INSC: variants seen among roughly 807,000 people sequenced by gnomAD.
The protein encoded by INSC is protein inscuteable homolog.
Under a neutral mutation model 58.6 loss-of-function variants are expected in INSC, and 67 were observed. That is an observed-to-expected ratio of 1.14 (90% CI 0.94 to 1.40). INSC has a LOEUF of 1.40. Ranked by LOEUF, INSC falls within the 40% of genes most tolerant of loss-of-function variation. The probability of loss-of-function intolerance (pLI) is 0.00; values close to 1 mark genes in which losing one functional copy is unlikely to be tolerated. For missense variants in INSC, 714 were observed against 692.0 expected (o/e 1.03, Z -0.36); for synonymous variants, 262 against 276.1 (o/e 0.95, Z 0.51).
At chr11:15,183,457 G>A (rs1279466109) in intron 5 of INSC, among the ~76,000 whole-genome samples, 1 of 151,326 alleles carries the variant, frequency 6.6e-6, no homozygotes, top group African/African-American at 2.4e-5. Flanking sequence ...GTGTGTGTGT[G>A]TATGTGTGTT....
At chr11:15,156,440 T>C (rs543145981) in intron 2 of INSC, among the ~76,000 whole-genome samples, 1 of 152,316 alleles carries the variant, frequency 6.6e-6, no homozygotes, top group African/African-American at 2.4e-5. Flanking sequence ...TGGTCTCACA[T>C]TGCCTGGATT....
intron 2 of INSC, among the ~76,000 whole-genome samples, chr11:15,158,864 T>A (rs908398797): frequency 1.0e-5 from 1 of 97,072 alleles, no homozygotes; most frequent in African/African-American, 3.2e-5. Context: ...TTGGTGGTTT[T>A]TTTTTTTTTT....
In INSC at chr11:15,176,062, G is replaced by T. The variant is rs199756406; in HGVS notation, c.378G>T (p.Arg126Ser). ...SMVSEYSAVSRNSLKEMGEIE... is the reference protein window; with the variant it reads ...SMVSEYSAVSSNSLKEMGEIE... ...TCAGCGAGTACAGTGCTGTCAGCAG[G>T]AACTCCTTGAAGGAAATGGGCGAGG... Residue 126 changes from arginine (R) to serine (S), a missense_variant, in exon 3 of 13, where the codon AGG (arginine) becomes AGT (serine). Coordinates refer to ENST00000379556, the MANE Select transcript of INSC (RefSeq NM_001042536.3). 9.8e-5 allele frequency: 151 copies of T among 1,536,546 alleles called. No homozygotes were observed. The African/African-American group carries it at 1.9e-3, about 19-fold the overall frequency.
At chr11:15,169,310 A>G (rs1235927142) in intron 2 of INSC, among the ~76,000 whole-genome samples, 2 of 152,154 alleles carry the variant, frequency 1.3e-5, no homozygotes, top group Admixed American at 6.5e-5. Flanking sequence ...GGGAGTAGCT[A>G]TGTTCCTTTC....
upstream of INSC, among the ~76,000 whole-genome samples, chr11:15,112,204 G>A (rs59568275): frequency 1.3e-4 from 20 of 152,308 alleles, 1 homozygote; most frequent in East Asian, 2.7e-3. Flanking sequence ...TAGGGCCGGC[G>A]CCGGGGATGG....
upstream of INSC, among the ~76,000 whole-genome samples, chr11:15,113,756 T>G (rs1847628417): frequency 6.6e-6 from 1 of 152,014 alleles, no homozygotes; most frequent in African/African-American, 2.4e-5. Flanking sequence ...GGAGGAGAGT[T>G]AATATCAGAG....
chr11:15,143,331 C>T (rs1219853411), intron 1 of INSC, among the ~76,000 whole-genome samples: 1 of 152,254 alleles, frequency 6.6e-6, no homozygotes, highest in African/African-American at 2.4e-5. Context: ...GAGGAAGTGG[C>T]ATTTGTTCTG....
intron 1 of INSC, among the ~76,000 whole-genome samples, chr11:15,142,854 T>G (rs1848404490): frequency 6.6e-6 from 1 of 152,150 alleles, no homozygotes; most frequent in Admixed American, 6.5e-5. Flanking sequence ...CTAGCGTACA[T>G]GTGCACAAAG....
chr11:15,112,591 A>AGTGTGTGTGT (rs375142839), upstream of INSC: 237 of 367,224 alleles, frequency 6.5e-4, 3 homozygotes, highest in Admixed American at 1.1e-3. Flanking sequence ...GGTGGATGTG[A>AGTGTGTGTGT]GTGTGTGTGT....
At chr11:15,230,007 A>AT (rs1421355624) in intron 9 of INSC, among the ~76,000 whole-genome samples, 6 of 26,406 alleles carry the variant, frequency 2.3e-4, no homozygotes, top group African/African-American at 9.9e-4. Flanking sequence ...ATATATATAT[A>AT]TATATAATAT....
At chr11:15,201,019 T>C in intron 7 of INSC, 70 bp downstream of exon 7, 1 of 1,520,148 alleles carries the variant, frequency 6.6e-7, no homozygotes, top group Non-Finnish European at 8.9e-7. Flanking sequence ...GGCCTCATGA[T>C]GGCCATCTGT....
intron 6 of INSC, among the ~76,000 whole-genome samples, chr11:15,200,127 C>T (rs533463251): frequency 1.4e-4 from 21 of 149,074 alleles, no homozygotes; most frequent in African/African-American, 5.2e-4. Context: ...TCAAGAGCTG[C>T]GATGATTGTT....
intron 7 of INSC, among the ~76,000 whole-genome samples, chr11:15,208,452 T>A (rs932505023): frequency 2.0e-5 from 3 of 152,206 alleles, no homozygotes; most frequent in Non-Finnish European, 4.4e-5. Context: ...TTGAGCCTTC[T>A]CAGAGGGACT....
At chr11:15,216,873 G>A (rs994469751) in intron 7 of INSC, among the ~76,000 whole-genome samples, 3 of 152,294 alleles carry the variant, frequency 2.0e-5, no homozygotes, top group Middle Eastern at 3.4e-3. Context: ...CCACCAGGTG[G>A]GGAGGGGAGG....
chr11:15,112,970 G>C (rs187777397), upstream of INSC, among the ~76,000 whole-genome samples: 9 of 152,192 alleles, frequency 5.9e-5, no homozygotes, highest in African/African-American at 1.9e-4. Flanking sequence ...ATTTGTCCAA[G>C]GACTCATCAC....
At chr11:15,152,336 G>A (rs1488190896) in intron 2 of INSC, among the ~76,000 whole-genome samples, 1 of 152,180 alleles carries the variant, frequency 6.6e-6, no homozygotes, top group African/African-American at 2.4e-5. Context: ...GGGCCTTCAT[G>A]TCCCACCTTG....
intron 5 of INSC, among the ~76,000 whole-genome samples, chr11:15,179,503 G>A (rs1016310973): frequency 2.0e-5 from 3 of 152,180 alleles, no homozygotes; most frequent in African/African-American, 7.2e-5. Context: ...TGAGTGTTTG[G>A]TTGGTTTGGT....
At chr11:15,116,209 A>G (rs937046518) in intron 1 of INSC, among the ~76,000 whole-genome samples, 1 of 152,144 alleles carries the variant, frequency 6.6e-6, no homozygotes, top group Non-Finnish European at 1.5e-5. Context: ...TCAGGCTGGG[A>G]TCTGACATGG....
chr11:15,203,097 G>A (rs572923057), intron 7 of INSC, among the ~76,000 whole-genome samples: 10 of 152,318 alleles, frequency 6.6e-5, no homozygotes, highest in African/African-American at 1.4e-4. Flanking sequence ...ATAAGGAAAT[G>A]GAATCTCAGA....
Sources: gnomAD v4.1 joint callset for allele counts (sites outside exome capture counted in the v4.1 genomes callset) on GRCh38, gnomAD v4.1.1 for gene constraint, MANE v1.5 for transcripts, NCBI Gene and HGNC (gene_info 2026-07-23, HGNC 2026-07-21) for gene names.